Variants in TJP1 observed in about 807,000 individuals in gnomAD.
TJP1 encodes tight junction protein ZO-1.
TJP1 carries 43 observed loss-of-function variants against 194.2 expected under a neutral mutation model. That is an observed-to-expected ratio of 0.22 (90% CI 0.17 to 0.29). TJP1 has a LOEUF of 0.29. Among genes scored for constraint, TJP1 ranks in the 10% least tolerant of loss-of-function variants. The pLI is 1.00. For missense variants in TJP1, 1,971 were observed against 2,185.7 expected, an observed-to-expected ratio of 0.90 and a Z score of 1.96; for synonymous variants, 801 against 779.0, an observed-to-expected ratio of 1.03 and a Z score of -0.47.
At chr15:29,816,177 G>A (rs371623776) in intron 1 of TJP1, among the ~76,000 whole-genome samples, 3 of 152,172 alleles carry the variant, frequency 2.0e-5, no homozygotes, top group African/African-American at 7.2e-5. Flanking sequence ...TTAGGCATGT[G>A]CTACCACACC....
chr15:29,949,828 C>CACCACCTCCACCACA (rs2055576626), intron 2 of TJP1, among the ~76,000 whole-genome samples: 1 of 79,244 alleles, frequency 1.3e-5, no homozygotes, highest in African/African-American at 5.0e-5. Context: ...CTACCTCCAC[C>CACCACCTCCACCACA]ACCACCACCT....
intron 22 of TJP1, 44 bp from the exon 23 acceptor site, chr15:29,716,882 A>C: frequency 6.7e-7 from 1 of 1,492,476 alleles, no homozygotes; most frequent in Non-Finnish European, 9.2e-7. Flanking sequence ...TTTAAATATT[A>C]ATGTTATGAA....
rs867544646 is a variant in TJP1 at position 29,765,240 on chromosome 15, G to A, written c.589+1026C>T. On this transcript the variant is annotated intron_variant, in intron 5 of 27. Transcript: ENST00000614355. The stretch of plus-strand genomic sequence containing the variant: ...AAAAGATACCAGACCAGAGAGGATT[G>A]AGGGGTAAGTAGTGAAGTAAAAACA... 2.6e-5 allele frequency among the ~76,000 whole-genome samples: 4 copies of A among 152,302 alleles called. No homozygotes were observed. In the South Asian group the frequency reaches 8.3e-4, roughly 32 times the overall value.
chr15:29,858,072 C>A lies in TJP1; in HGVS notation c.307-57370G>T, dbSNP rs914306429. On this transcript the variant is annotated intron_variant, in intron 2 of 28. Transcript: ENST00000356107. ...GCCACCGCACCCAGCCTAAAGATGA[C>A]CCCATTTCTTTAACTCAGTAATTCT... 5.9e-5 allele frequency among the ~76,000 whole-genome samples: 9 copies of A among 152,218 alleles called. No homozygotes were observed. The East Asian group carries it at 1.5e-3, about 26-fold the overall frequency.
chr15:29,795,200 G>C (rs1286481736), intron 2 of TJP1, among the ~76,000 whole-genome samples: 1 of 152,072 alleles, frequency 6.6e-6, no homozygotes, highest in African/African-American at 2.4e-5. Context: ...GAGGTGGGAG[G>C]ATTGCCTGAG....
chr15:29,913,022 C>T (rs374421354), intron 2 of TJP1, among the ~76,000 whole-genome samples: 2 of 152,108 alleles, frequency 1.3e-5, no homozygotes, highest in African/African-American at 4.8e-5. Flanking sequence ...ACCATTTCAT[C>T]AGAGCCTTGA....
chr15:29,956,497 C>G (rs917437680), intron 1 of TJP1: 1 of 712,540 alleles, frequency 1.4e-6, no homozygotes, highest in Admixed American at 3.6e-5. Flanking sequence ...AGCTAAGAAC[C>G]ACAGCAGAGC....
At chr15:29,732,598 G>A (rs781182941) in intron 14 of TJP1, 33 bp downstream of exon 14, 7 of 1,612,786 alleles carry the variant, frequency 4.3e-6, no homozygotes, top group South Asian at 2.2e-5. Context: ...TGACGTTAAA[G>A]GGTATTAGGT....
chr15:29,773,318 G>A lies in TJP1; in HGVS notation c.124C>T (p.Arg42Ter). Residue 42 changes from arginine to a stop codon, truncating the protein, a stop_gained, in exon 3 of 28, where the codon CGA becomes TGA. Transcript: ENST00000614355. LOFTEE classifies it high-confidence loss of function. Reference sequence around the variant, plus strand: ...CCACTCTGAAAATGAGGATTATCTCGTCCACCAGATATTGCAATTCCAAAT... The same window carrying A: ...CCACTCTGAAAATGAGGATTATCTCATCCACCAGATATTGCAATTCCAAAT... ...FGFGIAISGG[R>*]DNPHFQSGET... 6.2e-7 allele frequency: 1 copy of A among 1,613,718 alleles called. No homozygotes were observed. The highest frequency in any genetic ancestry group is 8.5e-7 in the Non-Finnish European group (1 of 1,179,844).
In TJP1 at chr15:29,742,636, G is replaced by T; in HGVS notation, c.1150+6C>A. The T allele has an allele frequency of 1.3e-6, 2 of 1,568,354 alleles. No homozygotes were observed. Among genetic ancestry groups the T allele is most frequent in the South Asian group, 1.2e-5 (1 of 81,718 alleles). On this transcript the variant is annotated splice_donor_region_variant and intron_variant, in intron 9 of 27. Transcript: ENST00000614355. Reference sequence around the variant, plus strand: ...TTTCTTGAACTTAGTGTTTCGTTATGCTTACCTGGAAGAGAAGGTGTTTGT... The same window carrying T: ...TTTCTTGAACTTAGTGTTTCGTTATTCTTACCTGGAAGAGAAGGTGTTTGT...
At chr15:29,899,999 G>A (rs767258664) in intron 2 of TJP1, among the ~76,000 whole-genome samples, 1 of 152,068 alleles carries the variant, frequency 6.6e-6, no homozygotes, top group Non-Finnish European at 1.5e-5. Context: ...AAATGAATGA[G>A]CAAAATGTAT....
rs377385536 is a variant in TJP1, at chr15:29,718,945, T to G, written c.3197A>C (p.Tyr1066Ser). ...QPTYRYESSSYTDQFSRNYEH... is the reference protein window; with the variant it reads ...QPTYRYESSSSTDQFSRNYEH... Reference sequence around the variant, plus strand: ...ATAGTTTCGAGAAAACTGGTCCGTATAGCTTGAGGACTCGTATCTGTATGT... The same window carrying G: ...ATAGTTTCGAGAAAACTGGTCCGTAGAGCTTGAGGACTCGTATCTGTATGT... Residue 1066 changes from tyrosine (Y) to serine (S), a missense_variant, in exon 21 of 28, where the codon TAT becomes TCT. By Grantham distance (144) the Tyr-to-Ser change is moderately radical. This residue lies in a region of TJP1 where 1,108 missense variants were observed against 1,128.5 expected (regional missense o/e 0.98). Transcript: ENST00000614355. The G allele has an allele frequency of 1.2e-6, 2 of 1,614,202 alleles. No homozygotes were observed. Among genetic ancestry groups the G allele is most frequent in the Admixed American group, 1.7e-5 (1 of 60,016 alleles).
At position 29,816,189 on chromosome 15, in the gene TJP1, G is replaced by A. The variant is rs77381998; in HGVS notation, c.27+5813C>T. On this transcript the variant is annotated intron_variant, in intron 1 of 27. Transcript: ENST00000614355. ...ATTTTAGGCATGTGCTACCACACCC[G>A]GCTAATTTTTGTATTTTTAGTAGAG... Among the ~76,000 whole-genome samples the A allele has an allele frequency of 1.1e-4, 17 of 152,074 alleles. 1 individual carries two copies. In the South Asian group the frequency reaches 3.3e-3, roughly 30 times the overall value.
chr15:29,966,075 CTG>C (rs1257804679), intron 1 of TJP1, among the ~76,000 whole-genome samples: 1 of 152,148 alleles, frequency 6.6e-6, no homozygotes, highest in Non-Finnish European at 1.5e-5. Context: ...TTCAGAAATT[CTG>C]TGTTTAGAGA....
chr15:29,928,722 T>C (rs1477578180), intron 2 of TJP1, among the ~76,000 whole-genome samples: 1 of 152,046 alleles, frequency 6.6e-6, no homozygotes, highest in Non-Finnish European at 1.5e-5. Flanking sequence ...GGCGGGCAGA[T>C]CACGAGGTCA....
exon 2 of TJP1, chr15:29,956,263 C>T: frequency 1.6e-6 from 2 of 1,288,666 alleles, no homozygotes; most frequent in Non-Finnish European, 2.0e-6. Flanking sequence ...GCTATCAAGG[C>T]TTTTGCTTCT....
chr15:29,943,766 T>C (rs1046493807), intron 2 of TJP1, among the ~76,000 whole-genome samples: 15 of 148,282 alleles, frequency 1.0e-4, no homozygotes, highest in African/African-American at 3.8e-4. Context: ...CTGGCCAAAA[T>C]GGTGAAACCC....
intron 2 of TJP1, among the ~76,000 whole-genome samples, chr15:29,948,890 C>G (rs964862954): frequency 5.9e-5 from 9 of 151,932 alleles, no homozygotes; most frequent in African/African-American, 2.2e-4. Flanking sequence ...CAATCACTCT[C>G]TACCTCCACA....
At position 29,718,001 on chromosome 15, in the gene TJP1, A is replaced by C. The variant is rs769893540; in HGVS notation, c.3974+20T>G. 4 of 1,596,928 alleles carry C rather than the reference A, an allele frequency of 2.5e-6. No homozygotes were observed. Among genetic ancestry groups the C allele is most frequent in the Non-Finnish European group, 3.4e-6 (4 of 1,169,698 alleles). On this transcript the variant is annotated intron_variant, in intron 22 of 27. Coordinates refer to ENST00000614355, the MANE Select transcript of TJP1 (RefSeq NM_001330239.4). ...ATTCCTGGTCAGTTCTATGCCACAAAGAGCACAAAGTGTACTCACCTGTAC... is the reference window on the plus strand; with the variant it reads ...ATTCCTGGTCAGTTCTATGCCACAACGAGCACAAAGTGTACTCACCTGTAC...
Sources: gnomAD v4.1 joint callset for allele counts (sites outside exome capture counted in the v4.1 genomes callset) on GRCh38, gnomAD v4.1.1 for gene constraint, gnomAD v4.1.1 regional missense constraint, MANE v1.5 for transcripts, NCBI Gene and HGNC (gene_info 2026-07-23, HGNC 2026-07-21) for gene names.